Variants in AGAP1 observed in about 807,000 individuals in gnomAD.
The protein encoded by AGAP1 is ArfGAP with GTPase domain, ankyrin repeat and PH domain 1, also known as arf-GAP with GTPase, ANK repeat and PH domain-containing protein 1.
Under a neutral mutation model 105.3 loss-of-function variants are expected in AGAP1, and 29 were observed. The observed-to-expected ratio is 0.28, with a 90% CI of 0.21 to 0.38. AGAP1 has a LOEUF of 0.38. Among genes scored for constraint, AGAP1 ranks in the 10% least tolerant of loss-of-function variants. AGAP1 has a pLI of 1.00. For synonymous variants in AGAP1, 509 were observed against 485.9 expected, an observed-to-expected ratio of 1.05 and a Z score of -0.63; for missense variants, 998 against 1,165.1, an observed-to-expected ratio of 0.86 and a Z score of 2.09.
At chr2:235,688,959 AAGCTGGGTACTG>A (rs1165037449) in intron 1 of AGAP1, among the ~76,000 whole-genome samples, 5 of 152,200 alleles carry the variant, frequency 3.3e-5, no homozygotes, top group African/African-American at 1.2e-4. Flanking sequence ...AACGTTCGCC[AAGCTGGGTACTG>A]TTGGAAGCAC....
At chr2:235,548,984 G>A (rs968015628) in intron 1 of AGAP1, among the ~76,000 whole-genome samples, 2 of 152,160 alleles carry the variant, frequency 1.3e-5, no homozygotes, top group Admixed American at 6.5e-5. Context: ...GCTCTGGAGC[G>A]GACCTGCCCT....
At chr2:235,604,347 TG>T (rs1028593808) in intron 1 of AGAP1, among the ~76,000 whole-genome samples, 3 of 151,624 alleles carry the variant, frequency 2.0e-5, no homozygotes, top group African/African-American at 7.3e-5. Context: ...CTGAACATGG[TG>T]GTGTGCACCT....
Position 236,027,206 on chromosome 2 carries a change from C to G in AGAP1, c.1646-9355C>G, listed in dbSNP as rs2057081740. ...GTCATATGGCAGATATAAATTAGATCTGAAACTCTACGTGTGGGTATTCAC... is the reference window on the plus strand; with the variant it reads ...GTCATATGGCAGATATAAATTAGATGTGAAACTCTACGTGTGGGTATTCAC... On this transcript the variant is annotated intron_variant, in intron 13 of 17. Coordinates refer to ENST00000304032, the MANE Select transcript of AGAP1 (RefSeq NM_001037131.3). The surrounding 1 kb of genome is among the most constrained non-coding windows in gnomAD (Gnocchi z 4.4). 6.6e-6 allele frequency among the ~76,000 whole-genome samples: 1 copy of G among 152,032 alleles called. No homozygotes were observed. Among genetic ancestry groups the G allele is most frequent in the Non-Finnish European group, 1.5e-5 (1 of 68,000 alleles).
chr2:235,930,756 T>C lies in AGAP1; in HGVS notation c.1325-9T>C. The C allele has an allele frequency of 6.2e-7, 1 of 1,613,206 alleles. No individual in the cohort carries two copies. Among genetic ancestry groups the C allele is most frequent in the Non-Finnish European group, 8.5e-7 (1 of 1,179,630 alleles). Reference sequence around the variant, plus strand: ...CGCGGTGGTGTTCACCTGACTTGTTTATTCCTAGGGAATGTCACTAGTGCA... The same window carrying C: ...CGCGGTGGTGTTCACCTGACTTGTTCATTCCTAGGGAATGTCACTAGTGCA... On this transcript the variant is annotated splice_polypyrimidine_tract_variant and intron_variant, in intron 11 of 17. Transcript: ENST00000304032. The surrounding 1 kb of genome is among the most constrained non-coding windows in gnomAD (Gnocchi z 7.9).
rs1263092400 is a variant in AGAP1 at position 235,664,051 on chromosome 2, G to A, written c.164-45128G>A. On this transcript the variant is annotated intron_variant, in intron 1 of 17. Coordinates refer to ENST00000304032, the MANE Select transcript of AGAP1 (RefSeq NM_001037131.3). This position sits in a 1 kb window ranked among gnomAD's most constrained non-coding sequence, Gnocchi z 5.7. ...CCCTGAGCTCGAAGGCTGAATGGTC[G>A]ATGGGAGCTCCTTTGGTGACTCCGT... 1.3e-5 allele frequency among the ~76,000 whole-genome samples: 2 copies of A among 152,168 alleles called. No individual in the cohort carries two copies. Among genetic ancestry groups the A allele is most frequent in the African/African-American group, 4.8e-5 (2 of 41,440 alleles).
In AGAP1 at chr2:236,002,326, TATC is replaced by T. The variant is rs1280410831; in HGVS notation, c.1645+33707_1645+33709del. Among the ~76,000 whole-genome samples the T allele has an allele frequency of 6.6e-6, 1 of 152,150 alleles. No individual in the cohort carries two copies. The highest frequency in any genetic ancestry group is 2.4e-5 in the African/African-American group (1 of 41,440). The stretch of plus-strand genomic sequence containing the variant: ...AACAGCCGGTGACTCAAAGCTCAAA[TATC>T]ATCCCCACCTGGACAGTCTGCAAAT... On this transcript the variant is annotated intron_variant, in intron 13 of 17. Transcript: ENST00000304032. The surrounding 1 kb of genome is among the most constrained non-coding windows in gnomAD (Gnocchi z 4.3).
intron 13 of AGAP1, among the ~76,000 whole-genome samples, chr2:236,028,306 C>T (rs940698488): frequency 2.6e-5 from 4 of 152,154 alleles, no homozygotes; most frequent in African/African-American, 9.7e-5. Flanking sequence ...CCTGAGCAGG[C>T]CACCCTCAGG....
At chr2:235,509,415 A>G (rs1323032732) in intron 1 of AGAP1, among the ~76,000 whole-genome samples, 1 of 152,052 alleles carries the variant, frequency 6.6e-6, no homozygotes, top group Non-Finnish European at 1.5e-5. Flanking sequence ...TTGTATTTTT[A>G]GTAGAGACGG....
intron 1 of AGAP1, among the ~76,000 whole-genome samples, chr2:235,646,480 C>G (rs1444797492): frequency 6.6e-6 from 1 of 152,148 alleles, no homozygotes; most frequent in African/African-American, 2.4e-5. Flanking sequence ...ATTTTATTGA[C>G]CAAAACCAGA....
chr2:235,893,374 G>T lies in AGAP1; in HGVS notation c.1155+9925G>T, dbSNP rs1034806089. Among the ~76,000 whole-genome samples, 1 of 151,190 alleles carries T rather than the reference G, an allele frequency of 6.6e-6. No individual in the cohort carries two copies. The highest frequency in any genetic ancestry group is 6.6e-5 in the Admixed American group (1 of 15,182). ...GTGGGTGTGCCGTGTCCATCATAGG[G>T]GTGTGCTGTGTCTGTGGCGTGGGTG... On this transcript the variant is annotated intron_variant, in intron 10 of 17. Transcript: ENST00000304032. This position sits in a 1 kb window ranked among gnomAD's most constrained non-coding sequence, Gnocchi z 4.7.
chr2:235,953,341 G>A lies in AGAP1; in HGVS notation c.1484-15121G>A, dbSNP rs1214449205. 6.6e-6 allele frequency among the ~76,000 whole-genome samples: 1 copy of A among 152,188 alleles called. No homozygotes were observed. The highest frequency in any genetic ancestry group is 1.9e-4 in the East Asian group (1 of 5,194). ...ACATAACAAAAGGTTACATGTGATG[G>A]CCAAGGGAAAAGAAAACGTAATTTA... On this transcript the variant is annotated intron_variant, in intron 12 of 17. Transcript: ENST00000304032. The surrounding 1 kb of genome is among the most constrained non-coding windows in gnomAD (Gnocchi z 5.2).
rs2054893452 is a variant in AGAP1, at chr2:235,977,093, G to T, written c.1645+8470G>T. Among the ~76,000 whole-genome samples, 1 of 152,178 alleles carries T rather than the reference G, an allele frequency of 6.6e-6. No homozygotes were observed. Among genetic ancestry groups the T allele is most frequent in the South Asian group, 2.1e-4 (1 of 4,830 alleles). On this transcript the variant is annotated intron_variant, in intron 13 of 17. Coordinates refer to ENST00000304032, the MANE Select transcript of AGAP1 (RefSeq NM_001037131.3). This position sits in a 1 kb window ranked among gnomAD's most constrained non-coding sequence, Gnocchi z 5.2. ...TAGACTTAGAGATTCTCTTCTGCGA[G>T]TGGGGCTCGGTTAGCACAAGCTGCT...
At chr2:235,587,823 A>G (rs1427436635) in intron 1 of AGAP1, among the ~76,000 whole-genome samples, 1 of 151,864 alleles carries the variant, frequency 6.6e-6, no homozygotes, top group African/African-American at 2.4e-5. Context: ...TGTGAGGGTC[A>G]GGAGCTAACA....
chr2:235,496,063 T>C (rs1342547532), intron 1 of AGAP1, among the ~76,000 whole-genome samples: 1 of 152,172 alleles, frequency 6.6e-6, no homozygotes, highest in Non-Finnish European at 1.5e-5. Context: ...CACTATGTAG[T>C]CTGAACTACT....
intron 1 of AGAP1, among the ~76,000 whole-genome samples, chr2:235,598,702 G>T (rs1335824097): frequency 6.6e-5 from 10 of 152,238 alleles, no homozygotes; most frequent in Non-Finnish European, 5.9e-5. Context: ...CGTTTTTGCT[G>T]TAACGGAGTC....
At chr2:235,923,430 A>G (rs12471554) in intron 11 of AGAP1, among the ~76,000 whole-genome samples, 45,134 of 151,522 alleles carry the variant, frequency 0.3, 8,003 homozygotes, top group Admixed American at 0.45. Context: ...CATAAGTCAT[A>G]GCCACGTTTA....
rs571770598 is a variant in AGAP1 at position 236,051,206 on chromosome 2, G to A, written c.2114+1925G>A. Among the ~76,000 whole-genome samples the A allele has an allele frequency of 6.6e-6, 1 of 152,330 alleles. No homozygotes were observed. Among genetic ancestry groups the A allele is most frequent in the Admixed American group, 6.5e-5 (1 of 15,298 alleles). On this transcript the variant is annotated intron_variant, in intron 16 of 17. Coordinates refer to ENST00000304032, the MANE Select transcript of AGAP1 (RefSeq NM_001037131.3). This position sits in a 1 kb window ranked among gnomAD's most constrained non-coding sequence, Gnocchi z 5.9. ...ACTGTGGAATTTCTAAGTTCCCTTT[G>A]CACCTAAGAAGATAAACACATACGA...
chr2:236,014,730 C>T lies in AGAP1; in HGVS notation c.1646-21831C>T. 2.6e-6 allele frequency: 1 copy of T among 386,420 alleles called. No homozygotes were observed. The highest frequency in any genetic ancestry group is 5.3e-6 in the Non-Finnish European group (1 of 188,798). 23.9% of individuals were successfully genotyped at this position (386,420 alleles called of 1,614,324 possible). A position where few individuals can be genotyped will look rare whatever the true frequency, so the allele number is the denominator to read the frequency against. Reference sequence around the variant, plus strand: ...TGCTACTTTGACCTTTTTTTTTCTCCCCTTTTCATTTGTTTTCTTTTCCTT... The same window carrying T: ...TGCTACTTTGACCTTTTTTTTTCTCTCCTTTTCATTTGTTTTCTTTTCCTT... On this transcript the variant is annotated intron_variant, in intron 13 of 17. Transcript: ENST00000304032. The surrounding 1 kb of genome is among the most constrained non-coding windows in gnomAD (Gnocchi z 6.3).
chr2:236,026,836 T>C (rs1351032975), intron 13 of AGAP1, among the ~76,000 whole-genome samples: 4 of 152,192 alleles, frequency 2.6e-5, no homozygotes, highest in Non-Finnish European at 5.9e-5. Flanking sequence ...GCATGAGGAA[T>C]AGGAGAAGAT....
Sources: gnomAD v4.1 joint callset for allele counts (sites outside exome capture counted in the v4.1 genomes callset) on GRCh38, gnomAD v4.1.1 for gene constraint, Gnocchi (gnomAD v3.1) non-coding constraint, MANE v1.5 for transcripts, NCBI Gene and HGNC (gene_info 2026-07-23, HGNC 2026-07-21) for gene names.